EPG5: variants seen among roughly 807,000 people sequenced by gnomAD.
EPG5 encodes ectopic P granules protein 5 homolog.
Under a neutral mutation model 302.7 loss-of-function variants are expected in EPG5, and 159 were observed. The ratio of observed to expected loss-of-function variants is 0.53; its 90% CI spans 0.46 to 0.60. The LOEUF is 0.60. Among genes scored for constraint, EPG5 ranks in the 20% least tolerant of loss-of-function variants. The probability of loss-of-function intolerance (pLI) is 0.00; values close to 1 mark genes in which losing one functional copy is unlikely to be tolerated. For synonymous variants in EPG5, 1,158 were observed against 1,136.8 expected (o/e 1.02, Z -0.37); for missense variants, 2,896 against 3,092.4 (o/e 0.94, Z 1.51).
At chr18:45,911,104 C>CAT (rs1409925159) in intron 22 of EPG5, among the ~76,000 whole-genome samples, 81 of 146,544 alleles carry the variant, frequency 5.5e-4, no homozygotes, top group African/African-American at 2.0e-3. Context: ...CACACACACA[C>CAT]ACACACATAT....
At chr18:45,825,421 C>G in the EPG5 span, 2 of 480,492 alleles carry the variant, frequency 4.2e-6, no homozygotes, top group Non-Finnish European at 7.5e-6. Flanking sequence ...GAGGGGATGG[C>G]AGCCACAGGA....
At chr18:45,912,905 C>T (rs759238184) in intron 21 of EPG5, among the ~76,000 whole-genome samples, 8 of 152,012 alleles carry the variant, frequency 5.3e-5, no homozygotes, top group East Asian at 1.9e-4. Flanking sequence ...CTGGCCAACA[C>T]GGCAAAACCT....
chr18:45,961,651 A>C (rs1251071306), intron 1 of EPG5, among the ~76,000 whole-genome samples: 1 of 152,178 alleles, frequency 6.6e-6, no homozygotes. Context: ...ACCTGAGGTC[A>C]GGAGTTCGAG....
chr18:45,949,344 T>C (rs752565644), intron 5 of EPG5, 140 bp downstream of exon 5: 4 of 547,232 alleles, frequency 7.3e-6, no homozygotes, highest in East Asian at 3.0e-5. Flanking sequence ...TATAAATGTA[T>C]ACTGGATATA....
Position 45,860,242 on chromosome 18 carries a change from T to C in EPG5, c.6871A>G (p.Ser2291Gly), listed in dbSNP as rs372382701. 59 of 1,614,246 alleles carry C rather than the reference T, an allele frequency of 3.7e-5. No homozygotes were observed. The African/African-American group carries it at 7.1e-4, about 19-fold the overall frequency. The change falls in exon 40 of 44, where the codon AGT becomes GGT. Residue 2291 changes from serine to glycine, a missense_variant. By Grantham distance (56) the Ser-to-Gly change is moderately conservative. Around this residue, in one of 5 missense-constraint regions of EPG5, gnomAD observed 620 missense variants for 704.2 expected, o/e 0.88. Transcript: ENST00000282041. ...TIPTAEFLRGSIRTWIGQKMH... is the reference protein window; with the variant it reads ...TIPTAEFLRGGIRTWIGQKMH... ...TTTTGGCCAATCCAGGTCCGGATAC[T>C]GCCCCGAAGGAACTCTGCTGTTGGA...
Position 45,855,626 on chromosome 18 carries a change from G to A in EPG5, c.7504C>T (p.Gln2502Ter). 6.2e-7 allele frequency: 1 copy of A among 1,614,180 alleles called. No homozygotes were observed. The highest frequency in any genetic ancestry group is 8.5e-7 in the Non-Finnish European group (1 of 1,180,020). Residue 2502 changes from glutamine to a stop codon, truncating the protein, a stop_gained, in exon 43 of 44, where the codon CAG (glutamine) becomes TAG (stop). Coordinates refer to ENST00000282041, the MANE Select transcript of EPG5 (RefSeq NM_020964.3). LOFTEE classifies it high-confidence loss of function. Reference protein sequence around the residue: ...FLSVQVPMEDQIRLRPGSELH... With the variant: ...FLSVQVPMED The stretch of plus-strand genomic sequence containing the variant: ...TCAGAGCCAGGCCTCAAACGGATCT[G>A]ATCTTCCATAGGAACCTGAACTGAA...
At chr18:45,820,156 T>A in the EPG5 span, among the ~76,000 whole-genome samples, 1 of 151,862 alleles carries the variant, frequency 6.6e-6, no homozygotes, top group Admixed American at 6.6e-5. Context: ...ATAACCGGGT[T>A]TTCCAGAGAA....
Position 45,928,948 on chromosome 18 carries a change from C to A in EPG5, c.2474G>T (p.Gly825Val). ...TFSKVGRELL[G>V]TITAVHPEII... ...CTCAGGGTGAACAGCTGTGATAGTC[C>A]CTAAAAGCTCTCGACCAACCTTTGA... Residue 825 changes from glycine (G) to valine (V), a missense_variant, in exon 13 of 44, where the codon GGG becomes GTG. Gly to Val is a moderately radical substitution (Grantham distance 109). Coordinates refer to ENST00000282041, the MANE Select transcript of EPG5 (RefSeq NM_020964.3). The A allele has an allele frequency of 6.2e-7, 1 of 1,613,768 alleles. No individual in the cohort carries two copies. The highest frequency in any genetic ancestry group is 8.5e-7 in the Non-Finnish European group (1 of 1,179,756).
the EPG5 span, among the ~76,000 whole-genome samples, chr18:45,818,555 C>A: frequency 6.6e-6 from 1 of 152,028 alleles, no homozygotes; most frequent in Non-Finnish European, 1.5e-5. Flanking sequence ...ATTTGCAATT[C>A]TTTAGTTACC....
the EPG5 span, among the ~76,000 whole-genome samples, chr18:45,823,467 C>T: frequency 1.3e-5 from 2 of 152,154 alleles, no homozygotes; most frequent in Non-Finnish European, 2.9e-5. Context: ...GGCATTCCAT[C>T]GGTAAAGCTG....
the EPG5 span, chr18:45,837,907 G>A: frequency 5.4e-6 from 8 of 1,487,116 alleles, no homozygotes; most frequent in East Asian, 2.0e-4. Context: ...GCGAGGCGGC[G>A]TGGGAGCGGG....
chr18:45,827,574 G>T, the EPG5 span, among the ~76,000 whole-genome samples: 1 of 152,204 alleles, frequency 6.6e-6, no homozygotes, highest in Non-Finnish European at 1.5e-5. Context: ...CTGTTTACTG[G>T]CTGCATGGCC....
the EPG5 span, among the ~76,000 whole-genome samples, chr18:45,820,833 T>C: frequency 1.3e-5 from 2 of 152,220 alleles, no homozygotes; most frequent in Admixed American, 6.5e-5. Flanking sequence ...ATGGGGAATA[T>C]AAATCACAAT....
Position 45,951,248 on chromosome 18 carries a change from A to G in EPG5, c.1253-10T>C. ...TCTGTCTGCTTAGACGCTGTAAATG[A>G]AAGATATTAAATGAGTCTCTCATAA... On this transcript the variant is annotated splice_polypyrimidine_tract_variant and intron_variant, in intron 3 of 43. Transcript: ENST00000282041. 6.8e-7 allele frequency: 1 copy of G among 1,465,568 alleles called. No individual in the cohort carries two copies. 90.8% of individuals were successfully genotyped at this position (1,465,568 alleles called of 1,614,324 possible). A position where few individuals can be genotyped will look rare whatever the true frequency, so the allele number is the denominator to read the frequency against.
intron 37 of EPG5, 89 bp downstream of exon 37, chr18:45,867,474 T>C: frequency 1.8e-6 from 2 of 1,096,540 alleles, no homozygotes; most frequent in Non-Finnish European, 2.7e-6. Context: ...ATAGGGGCAC[T>C]GGAAAAACAA....
At chr18:45,900,173 C>T (rs1352812347) in intron 26 of EPG5, among the ~76,000 whole-genome samples, 19 of 152,172 alleles carry the variant, frequency 1.2e-4, no homozygotes, top group African/African-American at 3.4e-4. Context: ...GAGGCCGAGG[C>T]GGGTGGATCA....
intron 29 of EPG5, among the ~76,000 whole-genome samples, chr18:45,886,117 C>T (rs2049211382): frequency 6.6e-6 from 1 of 152,202 alleles, no homozygotes; most frequent in Non-Finnish European, 1.5e-5. Context: ...CCAGGGAAGG[C>T]AGAGTGACTA....
chr18:45,839,034 C>G, the EPG5 span: 2 of 1,568,100 alleles, frequency 1.3e-6, no homozygotes, highest in Non-Finnish European at 1.7e-6. Flanking sequence ...TCGGCGCTCT[C>G]GGCTTCAAGG....
Position 45,880,077 on chromosome 18 carries a change from G to A in EPG5, c.5665C>T (p.Gln1889Ter). 6.3e-7 allele frequency: 1 copy of A among 1,581,336 alleles called. No homozygotes were observed. Among genetic ancestry groups the A allele is most frequent in the Non-Finnish European group, 8.6e-7 (1 of 1,161,444 alleles). ...GTCAGAGACCAAAGGCTACACACCT[G>A]CTTGTCTGACAAGAGAGCATCAGAA... The part of the protein sequence containing the change: ...SSSDALLSDK[Q>*]VMETIQWLSD... Residue 1889 changes from glutamine to a stop codon, truncating the protein, a stop_gained and splice_region_variant, in exon 32 of 44, where the codon CAG becomes TAG. Transcript: ENST00000282041. LOFTEE classifies it high-confidence loss of function.
Sources: allele counts gnomAD v4.1 joint callset (sites outside exome capture counted in the v4.1 genomes callset), GRCh38; gene constraint gnomAD v4.1.1; regional missense constraint gnomAD v4.1.1; transcripts MANE v1.5; gene names NCBI Gene and HGNC (gene_info 2026-07-23, HGNC 2026-07-21).